Variants in TRERF1 observed in about 807,000 individuals in gnomAD.
TRERF1 encodes transcriptional-regulating factor 1.
A neutral mutation model predicts 122.9 loss-of-function variants in TRERF1; 27 were observed. The ratio of observed to expected loss-of-function variants is 0.22; its 90% confidence interval spans 0.16 to 0.30. The LOEUF is 0.30. TRERF1 is among the 10% of genes least tolerant of loss of function. The pLI, the probability that TRERF1 is intolerant of heterozygous loss-of-function variation, is 1.00. For synonymous variants in TRERF1, 636 were observed against 641.7 expected (o/e 0.99, Z 0.13); for missense variants, 1,248 against 1,560.3 (o/e 0.80, Z 3.37).
chr6:42,297,788 C>T (rs1407291634), intron 4 of TRERF1, among the ~76,000 whole-genome samples: 2 of 152,114 alleles, frequency 1.3e-5, no homozygotes, highest in African/African-American at 4.8e-5. Flanking sequence ...ACTCAACCCA[C>T]ACCTCAGATA....
intron 3 of TRERF1, among the ~76,000 whole-genome samples, chr6:42,360,658 A>C (rs1273631518): frequency 6.7e-6 from 1 of 149,696 alleles, no homozygotes; most frequent in South Asian, 2.1e-4. Flanking sequence ...ACCCTGACAA[A>C]GTGTCCAGAA....
chr6:42,240,390 C>A (rs761403816), intron 15 of TRERF1, among the ~76,000 whole-genome samples: 2 of 152,206 alleles, frequency 1.3e-5, no homozygotes, highest in Non-Finnish European at 2.9e-5. Flanking sequence ...ACGGCACTGA[C>A]AGAGCCCAGA....
At chr6:42,295,874 T>C (rs947162895) in intron 4 of TRERF1, among the ~76,000 whole-genome samples, 2 of 152,154 alleles carry the variant, frequency 1.3e-5, no homozygotes, top group Non-Finnish European at 2.9e-5. Flanking sequence ...TGTTGCCTGA[T>C]AGATATCAAA....
intron 4 of TRERF1, among the ~76,000 whole-genome samples, chr6:42,299,141 T>A (rs1351392835): frequency 6.7e-6 from 1 of 148,546 alleles, no homozygotes; most frequent in African/African-American, 2.5e-5. Context: ...TATCTACATA[T>A]ATATATATAT....
chr6:42,386,744 T>C (rs1433276099), intron 2 of TRERF1, among the ~76,000 whole-genome samples: 1 of 152,214 alleles, frequency 6.6e-6, no homozygotes, highest in Non-Finnish European at 1.5e-5. Flanking sequence ...GGAAGCTCTC[T>C]GGAGCTGGGG....
At position 42,228,434 on chromosome 6, in the gene TRERF1, C is replaced by A. The variant is rs1370071520; in HGVS notation, c.3514G>T (p.Gly1172Cys). ...ACAACTTCAGCCTCTTCCATGACACCTCCCAACTGCTGGACGACGTCGTCG... is the reference window on the plus strand; with the variant it reads ...ACAACTTCAGCCTCTTCCATGACACATCCCAACTGCTGGACGACGTCGTCG... Residue 1172 changes from glycine (G) to cysteine (C), a missense_variant, in exon 18 of 18, where the codon GGT becomes TGT. Transcript: ENST00000372922. This position sits in a 1 kb window ranked among gnomAD's most constrained non-coding sequence, Gnocchi z 4.2. 1 of 1,614,088 alleles carries A rather than the reference C, an allele frequency of 6.2e-7. No homozygotes were observed. Among genetic ancestry groups the A allele is most frequent in the Non-Finnish European group, 8.5e-7 (1 of 1,180,044 alleles).
intron 2 of TRERF1, among the ~76,000 whole-genome samples, chr6:42,384,074 T>C (rs751264958): frequency 2.0e-5 from 3 of 151,878 alleles, no homozygotes; most frequent in Non-Finnish European, 4.4e-5. Flanking sequence ...AGTATGTCTA[T>C]CAGTATCACA....
chr6:42,383,542 T>C (rs1776303001), intron 2 of TRERF1, among the ~76,000 whole-genome samples: 1 of 152,068 alleles, frequency 6.6e-6, no homozygotes, highest in African/African-American at 2.4e-5. Flanking sequence ...AGTCAGACTG[T>C]TCCCCGCTCC....
At chr6:42,248,949 G>C (rs1280514613) in intron 13 of TRERF1, among the ~76,000 whole-genome samples, 1 of 152,192 alleles carries the variant, frequency 6.6e-6, no homozygotes, top group Non-Finnish European at 1.5e-5. Context: ...GAAGGACACA[G>C]AAAGGAATCA....
At chr6:42,376,606 G>A (rs1268412740) in intron 2 of TRERF1, among the ~76,000 whole-genome samples, 1 of 142,354 alleles carries the variant, frequency 7.0e-6, no homozygotes, top group Non-Finnish European at 1.5e-5. Context: ...ACAGTGGCGT[G>A]ATCTCAGCTC....
chr6:42,275,422 C>A lies in TRERF1; in HGVS notation c.-258-5574G>T, dbSNP rs1780983384. ...AAATGCCCACTCAGAACCTAAGGTG[C>A]CACTCCACGCTCCCACAGAGCCTGT... On this transcript the variant is annotated intron_variant, in intron 4 of 17. Coordinates refer to ENST00000372922, the Ensembl canonical transcript of TRERF1. This position sits in a 1 kb window ranked among gnomAD's most constrained non-coding sequence, Gnocchi z 4.1. Among the ~76,000 whole-genome samples, 1 of 152,234 alleles carries A rather than the reference C, an allele frequency of 6.6e-6. No individual in the cohort carries two copies. The highest frequency in any genetic ancestry group is 2.4e-5 in the African/African-American group (1 of 41,452).
At chr6:42,229,618 T>A (rs1770116472) in intron 17 of TRERF1, among the ~76,000 whole-genome samples, 1 of 152,190 alleles carries the variant, frequency 6.6e-6, no homozygotes, top group African/African-American at 2.4e-5. Context: ...ACTTGACTTC[T>A]GAGCTACATC....
chr6:42,229,143 G>A (rs543568602), intron 17 of TRERF1, among the ~76,000 whole-genome samples: 4 of 152,256 alleles, frequency 2.6e-5, no homozygotes, highest in Non-Finnish European at 5.9e-5. Context: ...TGTTGTTGTT[G>A]TTGTTTTAAA....
intron 2 of TRERF1, among the ~76,000 whole-genome samples, chr6:42,370,740 C>T (rs1050709219): frequency 3.3e-5 from 5 of 152,196 alleles, no homozygotes; most frequent in Admixed American, 2.0e-4. Context: ...CCCAAGTCAA[C>T]CCTTGGCCCT....
At chr6:42,325,261 G>C (rs746912233) in intron 3 of TRERF1, among the ~76,000 whole-genome samples, 1 of 152,186 alleles carries the variant, frequency 6.6e-6, no homozygotes, top group Non-Finnish European at 1.5e-5. Flanking sequence ...AATAACAGAT[G>C]TTAGCGCGGC....
chr6:42,402,419 G>T (rs1431663985), intron 2 of TRERF1, among the ~76,000 whole-genome samples: 1 of 152,110 alleles, frequency 6.6e-6, no homozygotes, highest in Non-Finnish European at 1.5e-5. Flanking sequence ...CCGGGTGCAG[G>T]GCTGTGAGCC....
intron 13 of TRERF1, among the ~76,000 whole-genome samples, chr6:42,251,424 G>A (rs1223077468): frequency 2.0e-5 from 3 of 152,108 alleles, no homozygotes; most frequent in Admixed American, 6.6e-5. Context: ...TAATTTTTTG[G>A]GGGGTGCAAG....
chr6:42,406,383 G>A (rs919147592), intron 2 of TRERF1, among the ~76,000 whole-genome samples: 4 of 152,106 alleles, frequency 2.6e-5, no homozygotes, highest in East Asian at 1.9e-4. Flanking sequence ...GGCCAGTGCC[G>A]ATGACTCCTC....
At chr6:42,401,863 C>G (rs995891143) in intron 2 of TRERF1, among the ~76,000 whole-genome samples, 8 of 152,204 alleles carry the variant, frequency 5.3e-5, no homozygotes, top group Admixed American at 1.3e-4. Flanking sequence ...GGATTCATTT[C>G]TTGAAAAGAA....
Sources: allele counts gnomAD v4.1 joint callset (sites outside exome capture counted in the v4.1 genomes callset), GRCh38; gene constraint gnomAD v4.1.1; non-coding constraint Gnocchi (gnomAD v3.1); transcripts MANE v1.5; gene names NCBI Gene and HGNC (gene_info 2026-07-23, HGNC 2026-07-21).